NELL1: variants seen among roughly 807,000 people sequenced by gnomAD.
NELL1 encodes neural EGFL like 1.
Under a neutral mutation model 107.4 loss-of-function variants are expected in NELL1, and 76 were observed. The observed-to-expected ratio is 0.71, with a 90% CI of 0.59 to 0.86. NELL1 has a LOEUF of 0.86. NELL1 is among the 40% of genes least tolerant of loss of function. The probability of loss-of-function intolerance (pLI) is 0.00; values close to 1 mark genes in which losing one functional copy is unlikely to be tolerated. For missense variants in NELL1, 1,024 were observed against 1,005.5 expected, an observed-to-expected ratio of 1.02 and a Z score of -0.25; for synonymous variants, 353 against 341.2, an observed-to-expected ratio of 1.03 and a Z score of -0.38.
chr11:21,288,513 C>G (rs1433569516), intron 14 of NELL1, among the ~76,000 whole-genome samples: 1 of 152,222 alleles, frequency 6.6e-6, no homozygotes, highest in African/African-American at 2.4e-5. Flanking sequence ...ACAAATTACT[C>G]AGTCATTCAG....
At chr11:20,960,307 C>A (rs775168560) in intron 11 of NELL1, 125 bp from the exon 12 acceptor site, 2 of 975,364 alleles carry the variant, frequency 2.1e-6, no homozygotes, top group Non-Finnish European at 3.0e-6. Context: ...CCAGTTTATC[C>A]GTGCATACTG....
intron 11 of NELL1, among the ~76,000 whole-genome samples, chr11:20,950,239 C>T (rs2134202089): frequency 6.6e-6 from 1 of 152,304 alleles, no homozygotes; most frequent in South Asian, 2.1e-4. Flanking sequence ...GCCCACTTGT[C>T]CACATGCTAG....
intron 12 of NELL1, among the ~76,000 whole-genome samples, chr11:21,000,480 A>C (rs1852192500): frequency 6.6e-6 from 1 of 152,178 alleles, no homozygotes. Context: ...TTCCCAATCT[A>C]GCAGTTAGGA....
chr11:21,275,181 G>T (rs2133939800), intron 14 of NELL1, among the ~76,000 whole-genome samples: 1 of 151,842 alleles, frequency 6.6e-6, no homozygotes, highest in East Asian at 1.9e-4. Flanking sequence ...AAGGAGAGAA[G>T]AATCAAATAG....
At chr11:20,820,150 G>A (rs1169860551) in intron 3 of NELL1, among the ~76,000 whole-genome samples, 3 of 152,158 alleles carry the variant, frequency 2.0e-5, no homozygotes, top group African/African-American at 7.2e-5. Context: ...TTGTTTCTGG[G>A]AGACTAGAAT....
chr11:20,727,778 G>A (rs1855541710), intron 2 of NELL1, among the ~76,000 whole-genome samples: 3 of 152,116 alleles, frequency 2.0e-5, no homozygotes, highest in Admixed American at 2.0e-4. Flanking sequence ...TTTGTATAAG[G>A]TGTAAGGAAG....
intron 12 of NELL1, among the ~76,000 whole-genome samples, chr11:20,975,184 TA>T (rs1476531176): frequency 7.0e-6 from 1 of 142,766 alleles, no homozygotes; most frequent in Non-Finnish European, 1.5e-5. Flanking sequence ...AATTTTTGTT[TA>T]TTTTTTTTTT....
chr11:21,535,356 C>T (rs150278864), intron 16 of NELL1, among the ~76,000 whole-genome samples: 2 of 152,228 alleles, frequency 1.3e-5, no homozygotes, highest in East Asian at 3.9e-4. Context: ...ACCTTGGGCT[C>T]CCAAAGTTTA....
chr11:21,258,461 CATAAT>C (rs771331362), intron 14 of NELL1, among the ~76,000 whole-genome samples: 1 of 151,812 alleles, frequency 6.6e-6, no homozygotes, highest in African/African-American at 2.4e-5. Context: ...GTATTTATTA[CATAAT>C]ATAAGAAATT....
Position 20,669,706 on chromosome 11 carries a change from C to T in NELL1, c.-18C>T, listed in dbSNP as rs761619973. 7 of 1,610,780 alleles carry T rather than the reference C, an allele frequency of 4.3e-6. No homozygotes were observed. The African/African-American group carries it at 5.3e-5, about 12-fold the overall frequency. On this transcript the variant is annotated 5_prime_UTR_variant, in exon 1 of 20. Coordinates refer to ENST00000357134, the MANE Select transcript of NELL1 (RefSeq NM_006157.5). This position sits in a 1 kb window ranked among gnomAD's most constrained non-coding sequence, Gnocchi z 4.4. ...CCTAGCTTCGGTGCCCCCTGCTAGG[C>T]GGGGACCCTCGAGAGCGATGCCGAT...
At chr11:21,275,822 C>A (rs1260392182) in intron 14 of NELL1, among the ~76,000 whole-genome samples, 2 of 152,162 alleles carry the variant, frequency 1.3e-5, no homozygotes, top group Non-Finnish European at 2.9e-5. Context: ...TCAGTAGATG[C>A]AGAAAAGGCC....
intron 12 of NELL1, among the ~76,000 whole-genome samples, chr11:21,020,309 T>C (rs187920800): frequency 1.6e-3 from 244 of 152,200 alleles, no homozygotes; most frequent in African/African-American, 5.4e-3. Flanking sequence ...CTTTATTTCA[T>C]GCCTTGCTTC....
intron 19 of NELL1, among the ~76,000 whole-genome samples, chr11:21,574,018 C>A (rs1473407507): frequency 6.6e-6 from 1 of 151,768 alleles, no homozygotes; most frequent in Admixed American, 6.6e-5. Context: ...CCTCATGTGT[C>A]ATTAAGACTA....
At chr11:21,299,799 TG>T (rs1373700244) in intron 14 of NELL1, among the ~76,000 whole-genome samples, 1 of 152,036 alleles carries the variant, frequency 6.6e-6, no homozygotes, top group African/African-American at 2.4e-5. Flanking sequence ...ACTTTATTTA[TG>T]GACATTGTAA....
At chr11:21,536,696 CAT>C (rs747391318) in intron 16 of NELL1, among the ~76,000 whole-genome samples, 1 of 151,892 alleles carries the variant, frequency 6.6e-6, no homozygotes, top group Non-Finnish European at 1.5e-5. Context: ...TCAATCATAT[CAT>C]GTGATCAATA....
chr11:20,900,559 C>T (rs1272965795), intron 5 of NELL1, among the ~76,000 whole-genome samples: 1 of 152,024 alleles, frequency 6.6e-6, no homozygotes, highest in Non-Finnish European at 1.5e-5. Flanking sequence ...TAATTCCAAT[C>T]TTAAATAAAC....
intron 13 of NELL1, among the ~76,000 whole-genome samples, chr11:21,154,691 G>C (rs1166310259): frequency 6.6e-6 from 1 of 152,264 alleles, no homozygotes; most frequent in East Asian, 1.9e-4. Flanking sequence ...AGCCTTCCTG[G>C]AAGGAGGAGA....
chr11:21,155,901 G>A (rs970081519), intron 13 of NELL1, among the ~76,000 whole-genome samples: 2 of 152,146 alleles, frequency 1.3e-5, no homozygotes, highest in South Asian at 2.1e-4. Context: ...TATTAACAGC[G>A]CAGAGGCTGA....
intron 13 of NELL1, among the ~76,000 whole-genome samples, chr11:21,159,988 G>T (rs1260788003): frequency 6.6e-6 from 1 of 152,186 alleles, no homozygotes; most frequent in Non-Finnish European, 1.5e-5. Context: ...GATTCTTAAA[G>T]GTTTTAACAG....
Sources: allele counts gnomAD v4.1 joint callset (sites outside exome capture counted in the v4.1 genomes callset), GRCh38; gene constraint gnomAD v4.1.1; non-coding constraint Gnocchi (gnomAD v3.1); transcripts MANE v1.5; gene names NCBI Gene and HGNC (gene_info 2026-07-23, HGNC 2026-07-21).